EMB: variants seen among roughly 807,000 people sequenced by gnomAD.
EMB encodes the protein embigin, also known as embigin homolog.
Under a neutral mutation model 41.4 loss-of-function variants are expected in EMB, and 31 were observed. The ratio of observed to expected loss-of-function variants is 0.75; its 90% CI spans 0.56 to 1.01. The LOEUF is 1.01. EMB is among the 50% of genes least tolerant of loss of function. EMB has a pLI of 0.00. For missense variants in EMB, 379 were observed against 388.3 expected (o/e 0.98, Z 0.20); for synonymous variants, 137 against 140.4 (o/e 0.98, Z 0.17).
chr5:50,412,103 A>C (rs1176794862), intron 2 of EMB: 1 of 152,028 alleles, frequency 6.6e-6, no homozygotes, highest in Non-Finnish European at 1.5e-5. Flanking sequence ...CAAATTTTTT[A>C]AACTTGTACC....
At chr5:50,415,819 T>C (rs1270236690) in intron 2 of EMB, among the ~76,000 whole-genome samples, 1 of 152,196 alleles carries the variant, frequency 6.6e-6, no homozygotes, top group East Asian at 1.9e-4. Context: ...TGAAACAAGA[T>C]TTTAAATAAA....
chr5:50,423,068 G>C (rs532509449), intron 2 of EMB, among the ~76,000 whole-genome samples: 1 of 150,592 alleles, frequency 6.6e-6, no homozygotes, highest in South Asian at 2.1e-4. Context: ...AAATGTCTAA[G>C]TAAGCTGGTG....
chr5:50,434,139 T>A (rs1214296161), intron 1 of EMB, among the ~76,000 whole-genome samples: 2 of 152,216 alleles, frequency 1.3e-5, no homozygotes, highest in Non-Finnish European at 2.9e-5. Flanking sequence ...AGATCAGGGA[T>A]TAAACATATC....
intron 2 of EMB, among the ~76,000 whole-genome samples, chr5:50,423,333 C>T (rs1745556967): frequency 6.6e-6 from 1 of 152,064 alleles, no homozygotes; most frequent in Non-Finnish European, 1.5e-5. Context: ...AGAAGAGAGA[C>T]AGAAATGGTG....
In EMB at chr5:50,426,509, A is replaced by G. The variant is rs564927253; in HGVS notation, c.196+1635T>C. Among the ~76,000 whole-genome samples, 8 of 152,320 alleles carry G rather than the reference A, an allele frequency of 5.3e-5. No homozygotes were observed. In the East Asian group the frequency reaches 5.8e-4, roughly 11 times the overall value. ...GTTTTCCAGTCTCGAGAATCTTTGG[A>G]TAAGTATGTATGTCAAGAGCCAGAC... On this transcript the variant is annotated intron_variant, in intron 2 of 8. Coordinates refer to ENST00000303221, the MANE Select transcript of EMB (RefSeq NM_198449.3).
rs551045596 is a variant in EMB at position 50,398,960 on chromosome 5, T to C, written c.*313A>G. The C allele has an allele frequency of 4.9e-6, 1 of 202,330 alleles. No individual in the cohort carries two copies. The highest frequency in any genetic ancestry group is 1.0e-5 in the Non-Finnish European group (1 of 99,808). 12.5% of individuals were successfully genotyped at this position (202,330 alleles called of 1,614,324 possible). On this transcript the variant is annotated 3_prime_UTR_variant, in exon 9 of 9. Coordinates refer to ENST00000303221, the MANE Select transcript of EMB (RefSeq NM_198449.3). ...GTTATAAACAGGTTTTGAGTGATTT[T>C]TGTTCTATGAAGTATTAAGTGATTC...
At position 50,396,347 on chromosome 5, in the gene EMB, A is replaced by G. The variant is rs1403997811; in HGVS notation, c.*2926T>C. 6.6e-6 allele frequency: 1 copy of G among 152,190 alleles called. No homozygotes were observed. The highest frequency in any genetic ancestry group is 2.4e-5 in the African/African-American group (1 of 41,464). 9.4% of individuals were successfully genotyped at this position (152,190 alleles called of 1,614,324 possible). A position where few individuals can be genotyped will look rare whatever the true frequency, so the allele number is the denominator to read the frequency against. On this transcript the variant is annotated 3_prime_UTR_variant, in exon 9 of 9. Transcript: ENST00000303221. ...TCAATACACATTTCAAGAAAGCTGT[A>G]TTGCACCCTTTCAGTGGTAGTTACA...
At chr5:50,410,556 G>A (rs1425946383) in intron 4 of EMB, among the ~76,000 whole-genome samples, 2 of 152,098 alleles carry the variant, frequency 1.3e-5, no homozygotes, top group Non-Finnish European at 2.9e-5. Flanking sequence ...TAGAAACGTG[G>A]AGGACTATTA....
Position 50,397,110 on chromosome 5 carries a change from T to A in EMB, c.*2163A>T, listed in dbSNP as rs937921850. On this transcript the variant is annotated 3_prime_UTR_variant, in exon 9 of 9. Transcript: ENST00000303221. Reference sequence around the variant, plus strand: ...GAAAGACTAAGAGAATTCCCCAAGGTGCCTAATATATAAACTTGGAGTAGT... The same window carrying A: ...GAAAGACTAAGAGAATTCCCCAAGGAGCCTAATATATAAACTTGGAGTAGT... 1.2e-4 allele frequency: 19 copies of A among 152,144 alleles called. No individual in the cohort carries two copies. Among genetic ancestry groups the A allele is most frequent in the Non-Finnish European group, 1.8e-4 (12 of 68,012 alleles). The allele number at this position is 152,144 out of a possible 1,614,324, so 9.4% of individuals were successfully genotyped here. A position where few individuals can be genotyped will look rare whatever the true frequency, so the allele number is the denominator to read the frequency against.
At chr5:50,420,585 A>T (rs1745503016) in intron 2 of EMB, among the ~76,000 whole-genome samples, 1 of 152,218 alleles carries the variant, frequency 6.6e-6, no homozygotes, top group African/African-American at 2.4e-5. Flanking sequence ...AGCATTTGGC[A>T]CTGTCCGGTT....
At chr5:50,422,165 A>G (rs770315918) in intron 2 of EMB, among the ~76,000 whole-genome samples, 4 of 152,248 alleles carry the variant, frequency 2.6e-5, no homozygotes, top group Admixed American at 6.5e-5. Context: ...GCCATAAAAT[A>G]CCAAGAAATT....
At position 50,403,350 on chromosome 5, in the gene EMB, G is replaced by A; in HGVS notation, c.705C>T (p.Tyr235=). Residue 235 remains tyrosine, a synonymous_variant, in exon 6 of 9, where the codon TAC becomes TAT. Coordinates refer to ENST00000303221, the MANE Select transcript of EMB (RefSeq NM_198449.3). The part of the protein sequence containing the change: ...TQLLEEDGES[Y]WCRALFQLGE... ...CTAATTGGAATAGTGCACGGCACCA[G>A]TAAGATTCCCCATCTTCCTCCAAAA... is the stretch of plus-strand genomic sequence containing the variant. The A allele has an allele frequency of 1.2e-6, 2 of 1,612,734 alleles. No individual in the cohort carries two copies. Among genetic ancestry groups the A allele is most frequent in the Non-Finnish European group, 1.7e-6 (2 of 1,179,200 alleles).
Position 50,441,079 on chromosome 5 carries a change from C to T in EMB, c.73G>A (p.Ala25Thr), listed in dbSNP as rs536007220. ...TCCGCCGAGCTTGGGCGCGCGGCAGCGAGAAGGCACTGGAGGAGGAGCAGC... is the reference window on the plus strand; with the variant it reads ...TCCGCCGAGCTTGGGCGCGCGGCAGTGAGAAGGCACTGGAGGAGGAGCAGC... ...PRLLLLQCLL[A>T]AARPSSADGS... Residue 25 changes from alanine to threonine, a missense_variant, in exon 1 of 9, where the codon GCT becomes ACT. By Grantham distance (58) the Ala-to-Thr change is moderately conservative. Coordinates refer to ENST00000303221, the MANE Select transcript of EMB (RefSeq NM_198449.3). The T allele has an allele frequency of 2.7e-4, 416 of 1,517,298 alleles. 1 individual carries two copies. The highest frequency in any genetic ancestry group is 2.7e-3 in the African/African-American group (189 of 70,556). The allele number at this position is 1,517,298 out of a possible 1,614,324, so 94.0% of individuals were successfully genotyped here.
At chr5:50,404,555 T>C (rs1458760853) in intron 5 of EMB, among the ~76,000 whole-genome samples, 1 of 151,960 alleles carries the variant, frequency 6.6e-6, no homozygotes, top group African/African-American at 2.4e-5. Flanking sequence ...ACAAAAGCAC[T>C]GGTACGTCTA....
At chr5:50,405,205 G>C (rs1222500430) in intron 5 of EMB, among the ~76,000 whole-genome samples, 1 of 151,848 alleles carries the variant, frequency 6.6e-6, no homozygotes, top group Non-Finnish European at 1.5e-5. Context: ...GCTTCTCTCA[G>C]GTAGCTTGAA....
chr5:50,438,093 T>C (rs923232650), intron 1 of EMB, among the ~76,000 whole-genome samples: 1 of 152,162 alleles, frequency 6.6e-6, no homozygotes, highest in African/African-American at 2.4e-5. Flanking sequence ...TGAACTTTCA[T>C]AGACATTTCC....
chr5:50,429,872 TATTCTCCC>T (rs1232187995), intron 1 of EMB, among the ~76,000 whole-genome samples: 16 of 151,772 alleles, frequency 1.1e-4, no homozygotes, highest in Non-Finnish European at 1.9e-4. Flanking sequence ...TTTGTACCCA[TATTCTCCC>T]ATTCTCCCTC....
intron 5 of EMB, among the ~76,000 whole-genome samples, chr5:50,404,013 C>T (rs1745209898): frequency 1.3e-5 from 2 of 151,878 alleles, no homozygotes; most frequent in South Asian, 4.1e-4. Context: ...AAGTGAACTG[C>T]ACACCTTCTG....
At chr5:50,420,674 G>A (rs991424199) in intron 2 of EMB, among the ~76,000 whole-genome samples, 4 of 152,190 alleles carry the variant, frequency 2.6e-5, no homozygotes, top group Non-Finnish European at 5.9e-5. Context: ...CATCGGGGGA[G>A]GAGGGCAGAA....
Sources: allele counts gnomAD v4.1 joint callset (sites outside exome capture counted in the v4.1 genomes callset), GRCh38; gene constraint gnomAD v4.1.1; transcripts MANE v1.5; gene names NCBI Gene and HGNC (gene_info 2026-07-23, HGNC 2026-07-21).